Variants in MYH11 observed in about 807,000 individuals in gnomAD.
MYH11 encodes the protein myosin heavy chain 11.
A neutral mutation model predicts 246.6 loss-of-function variants in MYH11; 80 were observed. The ratio of observed to expected loss-of-function variants is 0.32; its 90% CI spans 0.27 to 0.39. The LOEUF (loss-of-function observed/expected upper bound fraction) is 0.39. Ranked by LOEUF, MYH11 falls within the 10% of genes least tolerant of loss-of-function variation. MYH11 has a pLI of 1.00. For synonymous variants in MYH11, 1,071 were observed against 1,015.5 expected (o/e 1.05, Z -1.04); for missense variants, 2,158 against 2,546.8 (o/e 0.85, Z 3.29).
chr16:15,832,662 C>T (rs1047632660), intron 2 of MYH11, among the ~76,000 whole-genome samples: 2 of 152,178 alleles, frequency 1.3e-5, no homozygotes, highest in African/African-American at 4.8e-5. Flanking sequence ...TAGTCTAGCA[C>T]CTAGTTAGGT....
chr16:15,786,764 C>G (rs376542955), intron 4 of MYH11, 32 bp from the exon 5 acceptor site: 1 of 1,581,874 alleles, frequency 6.3e-7, no homozygotes, highest in African/African-American at 1.3e-5. Context: ...TCTATGCACA[C>G]GTTCCATGGT....
chr16:15,810,341 T>G (rs1287495026), intron 3 of MYH11, among the ~76,000 whole-genome samples: 2 of 152,128 alleles, frequency 1.3e-5, no homozygotes, highest in Non-Finnish European at 2.9e-5. Context: ...GGCCAATATT[T>G]ACTATTTTAT....
intron 10 of MYH11, among the ~76,000 whole-genome samples, chr16:15,763,233 T>A (rs1367487712): frequency 6.6e-6 from 1 of 152,226 alleles, no homozygotes; most frequent in East Asian, 1.9e-4. Flanking sequence ...GCAATTGAGG[T>A]CTGTCTCCCC....
Position 15,753,408 on chromosome 16 carries a change from TC to T in MYH11, c.1849del (p.Asp617ThrfsTer18). On this transcript the variant is annotated frameshift_variant, in exon 15 of 41. Transcript: ENST00000300036. LOFTEE classifies it high-confidence loss of function. ...GAAGGCCTTACCGTCCTTCCACAGG[TC>T]GGCCACAAACTTGTCGGAGGAGGCA... Reference protein sequence around the residue: ...LNASSDKFVADLWKDVDRIVG... With the variant: ...LNASSDKFVAXLWKDVDRIVG... The T allele has an allele frequency of 1.2e-6, 2 of 1,613,992 alleles. No individual in the cohort carries two copies. Among genetic ancestry groups the T allele is most frequent in the Non-Finnish European group, 1.7e-6 (2 of 1,179,972 alleles).
At chr16:15,719,113 A>G (rs2040327069) in intron 36 of MYH11, 107 bp downstream of exon 36, 16 of 1,113,036 alleles carry the variant, frequency 1.4e-5, no homozygotes, top group Non-Finnish European at 2.1e-5. Flanking sequence ...GGGTGACAGA[A>G]TGAAACTCTG....
intron 5 of MYH11, chr16:15,784,897 G>C (rs562323971): frequency 3.0e-6 from 2 of 671,472 alleles, no homozygotes; most frequent in Non-Finnish European, 5.1e-6. Flanking sequence ...GCAGGAATAC[G>C]ATCACAGCTC....
intron 40 of MYH11, chr16:15,711,286 A>T (rs946248386): frequency 6.6e-6 from 1 of 152,184 alleles, no homozygotes; most frequent in East Asian, 1.9e-4. Flanking sequence ...GGGCCCTGAG[A>T]AAGTCATTTC....
intron 15 of MYH11, among the ~76,000 whole-genome samples, chr16:15,751,205 G>T (rs2041560788): frequency 1.3e-5 from 2 of 151,380 alleles, no homozygotes; most frequent in South Asian, 4.2e-4. Flanking sequence ...TTGTTGGCCA[G>T]GCTGGAGTGC....
intron 19 of MYH11, among the ~76,000 whole-genome samples, chr16:15,746,958 G>T (rs1022773004): frequency 6.6e-6 from 1 of 151,998 alleles, no homozygotes; most frequent in African/African-American, 2.4e-5. Context: ...TGTGGTGGTG[G>T]GCGCCTCTAA....
rs71134468 is a variant in MYH11 at position 15,814,146 on chromosome 16, AAAAC to A, written c.502+9105_502+9108del. 7.6e-4 allele frequency among the ~76,000 whole-genome samples: 116 copies of A among 152,008 alleles called. No homozygotes were observed. In the Middle Eastern group the frequency reaches 0.01, roughly 13 times the overall value. On this transcript the variant is annotated intron_variant, in intron 3 of 40. Transcript: ENST00000300036. ...AGAGGGAAACTCCATCCCCCAAAAA[AAAAC>A]AAACAAACCAAAAAGTGTAAAAATA...
intron 31 of MYH11, 139 bp from the exon 32 acceptor site, chr16:15,721,773 AATTT>A: frequency 1.2e-6 from 1 of 806,782 alleles, no homozygotes; most frequent in Non-Finnish European, 2.0e-6. Context: ...CTATGGGAGT[AATTT>A]ATATAATCAT....
chr16:15,754,947 G>T (rs959802067), intron 14 of MYH11, among the ~76,000 whole-genome samples: 1 of 152,284 alleles, frequency 6.6e-6, no homozygotes, highest in Non-Finnish European at 1.5e-5. Flanking sequence ...TGGTGCTGGG[G>T]TTACAGGCGT....
intron 3 of MYH11, among the ~76,000 whole-genome samples, chr16:15,809,851 G>A (rs188805773): frequency 1.9e-4 from 28 of 150,362 alleles, no homozygotes; most frequent in African/African-American, 5.6e-4. Context: ...AGCCTGGAGA[G>A]GCTGAGGCTC....
chr16:15,705,979 C>T (rs754838991), intron 40 of MYH11, among the ~76,000 whole-genome samples: 21 of 12,954 alleles, frequency 1.6e-3, no homozygotes, highest in Admixed American at 0.011. Context: ...GGTGAGACTC[C>T]GTCTCAAAAA....
intron 22 of MYH11, 100 bp from the exon 23 acceptor site, chr16:15,740,288 C>G (rs2041236425): frequency 1.3e-6 from 2 of 1,561,642 alleles, no homozygotes; most frequent in Non-Finnish European, 1.8e-6. Context: ...CCTGAAGATG[C>G]CCAGAACTCT....
intron 23 of MYH11, 124 bp from the exon 24 acceptor site, chr16:15,738,812 T>A: frequency 8.7e-7 from 1 of 1,153,644 alleles, no homozygotes; most frequent in Non-Finnish European, 1.2e-6. Context: ...AAAATACAAC[T>A]AGAGTTTTAA....
chr16:15,717,146 TCCTGCTCGA>T lies in MYH11; in HGVS notation c.5489_5497del (p.Val1830_Gln1832del), dbSNP rs2040197454. The T allele has an allele frequency of 1.2e-6, 2 of 1,614,166 alleles. No individual in the cohort carries two copies. Among genetic ancestry groups the T allele is most frequent in the Non-Finnish European group, 1.7e-6 (2 of 1,180,020 alleles). On this transcript the variant is annotated inframe_deletion, in exon 38 of 41. Coordinates refer to ENST00000300036, the MANE Select transcript of MYH11 (RefSeq NM_002474.3). The stretch of plus-strand genomic sequence containing the variant: ...GAACTCCACACCCGCATACCTGGCC[TCCTGCTCGA>T]CCTGCTCCTCCAGCTGTGCAATCTT...
chr16:15,852,995 G>A (rs1016815149), intron 1 of MYH11, among the ~76,000 whole-genome samples: 2 of 152,142 alleles, frequency 1.3e-5, no homozygotes, highest in Non-Finnish European at 2.9e-5. Flanking sequence ...CATCCCTTGA[G>A]CACAAACAAG....
chr16:15,771,870 C>T (rs1488180133), intron 8 of MYH11, among the ~76,000 whole-genome samples, 158 bp from the exon 9 acceptor site: 1 of 152,102 alleles, frequency 6.6e-6, no homozygotes, highest in East Asian at 1.9e-4. Flanking sequence ...TAGACAGCCT[C>T]ACCAACCACT....
Sources: allele counts gnomAD v4.1 joint callset (sites outside exome capture counted in the v4.1 genomes callset), GRCh38; gene constraint gnomAD v4.1.1; transcripts MANE v1.5; gene names NCBI Gene and HGNC (gene_info 2026-07-23, HGNC 2026-07-21).